Variants in LMNB1 observed in about 807,000 individuals in gnomAD.
LMNB1 encodes lamin-B1.
In LMNB1, 23 loss-of-function variants were observed where a neutral mutation model predicts 67.1. That is an observed-to-expected ratio of 0.34 (90% CI 0.25 to 0.49). LMNB1 has a LOEUF of 0.49. Among genes scored for constraint, LMNB1 ranks in the 20% least tolerant of loss-of-function variants. LMNB1 has a pLI of 0.99. For synonymous variants in LMNB1, 281 were observed against 282.9 expected (o/e 0.99, Z 0.07); for missense variants, 634 against 746.5 (o/e 0.85, Z 1.76).
chr5:126,810,377 G>T, intron 4 of LMNB1, 27 bp downstream of exon 4: 1 of 1,546,328 alleles, frequency 6.5e-7, no homozygotes, highest in South Asian at 1.2e-5. Flanking sequence ...AGATTCTTTT[G>T]AACACTTAAA....
chr5:126,800,843 G>GAAAAATACAT (rs1751255046), intron 1 of LMNB1, among the ~76,000 whole-genome samples: 1 of 142,544 alleles, frequency 7.0e-6, no homozygotes, highest in African/African-American at 2.6e-5. Flanking sequence ...GTAGAGACTG[G>GAAAAATACAT]GTTTCTCCAT....
chr5:126,787,722 T>G lies in LMNB1; in HGVS notation c.359+9855T>G, dbSNP rs920312305. Among the ~76,000 whole-genome samples the G allele has an allele frequency of 2.0e-5, 3 of 151,216 alleles. No individual in the cohort carries two copies. The South Asian group carries it at 6.2e-4, about 31-fold the overall frequency. On this transcript the variant is annotated intron_variant, in intron 1 of 10. Coordinates refer to ENST00000261366, the MANE Select transcript of LMNB1 (RefSeq NM_005573.4). ...CCTGCCACCACACTCGGCTAATTTTTGAATTTTTAGTAGAGACAGGGTTTC... is the reference window on the plus strand; with the variant it reads ...CCTGCCACCACACTCGGCTAATTTTGGAATTTTTAGTAGAGACAGGGTTTC...
At chr5:126,799,020 CT>C (rs201572633) in intron 1 of LMNB1, among the ~76,000 whole-genome samples, 133 of 134,948 alleles carry the variant, frequency 9.9e-4, no homozygotes, top group Middle Eastern at 3.9e-3. Context: ...GATGCATTGA[CT>C]TTTTTTTTTT....
chr5:126,797,547 A>T (rs1751134799), intron 1 of LMNB1, among the ~76,000 whole-genome samples: 1 of 152,208 alleles, frequency 6.6e-6, no homozygotes, highest in Admixed American at 6.5e-5. Context: ...GCATTGTCAG[A>T]TGTCATTCTG....
chr5:126,789,849 A>G (rs900620936), intron 1 of LMNB1, among the ~76,000 whole-genome samples: 2 of 151,890 alleles, frequency 1.3e-5, no homozygotes, highest in Non-Finnish European at 2.9e-5. Context: ...AATTTTTTGT[A>G]TTTTTAGTAG....
At position 126,836,318 on chromosome 5, in the gene LMNB1, A is replaced by T. The variant is rs370551700; in HGVS notation, c.*54A>T. ...GAAGTATGGTAATCTTTACCTGTATACAGTGCAGAGCCTTCTCAGAAGCAC... is the reference window on the plus strand; with the variant it reads ...GAAGTATGGTAATCTTTACCTGTATTCAGTGCAGAGCCTTCTCAGAAGCAC... On this transcript the variant is annotated 3_prime_UTR_variant, in exon 11 of 11. Coordinates refer to ENST00000261366, the MANE Select transcript of LMNB1 (RefSeq NM_005573.4). 1,764 of 1,190,782 alleles carry T rather than the reference A, an allele frequency of 1.5e-3. 3 individuals are homozygous for T. The highest frequency in any genetic ancestry group is 2.1e-3 in the Non-Finnish European group (1,667 of 800,230). The allele number at this position is 1,190,782 out of a possible 1,614,324, so 73.8% of individuals were successfully genotyped here. A position where few individuals can be genotyped will look rare whatever the true frequency, so the allele number is the denominator to read the frequency against.
chr5:126,800,810 G>A (rs1273725697), intron 1 of LMNB1, among the ~76,000 whole-genome samples: 4 of 147,460 alleles, frequency 2.7e-5, no homozygotes, highest in East Asian at 2.0e-4. Flanking sequence ...GTGCCATCAC[G>A]CCTGGCTAAT....
At chr5:126,787,524 G>GTATATATATATATATATATATATATATA (rs1179342923) in intron 1 of LMNB1, among the ~76,000 whole-genome samples, 1 of 87,682 alleles carries the variant, frequency 1.1e-5, no homozygotes, top group Admixed American at 1.6e-4. Flanking sequence ...GTGTGTGGGG[G>GTATATATATATATATATATATATATATA]TATATATATA....
At chr5:126,815,088 T>C in intron 5 of LMNB1, 1 of 152,214 alleles carries the variant, frequency 6.6e-6, no homozygotes, top group East Asian at 1.9e-4. Flanking sequence ...TTTTTATTAG[T>C]TGATAAATTT....
intron 9 of LMNB1, among the ~76,000 whole-genome samples, chr5:126,826,489 A>G (rs1752001639): frequency 6.6e-6 from 1 of 152,234 alleles, no homozygotes; most frequent in Non-Finnish European, 1.5e-5. Context: ...AGTATCTGGC[A>G]TAGTACCTTT....
intron 1 of LMNB1, among the ~76,000 whole-genome samples, chr5:126,800,816 C>G (rs1318151680): frequency 6.8e-6 from 1 of 146,972 alleles, no homozygotes; most frequent in Non-Finnish European, 1.5e-5. Flanking sequence ...TCACGCCTGG[C>G]TAATTTTGTA....
intron 5 of LMNB1, among the ~76,000 whole-genome samples, chr5:126,813,826 G>A (rs1751637137): frequency 6.6e-6 from 1 of 152,190 alleles, no homozygotes; most frequent in Non-Finnish European, 1.5e-5. Flanking sequence ...CACCTTGAGG[G>A]TTAGGATTTA....
chr5:126,815,183 G>GTCATATCATCATA, intron 5 of LMNB1: 2 of 152,226 alleles, frequency 1.3e-5, no homozygotes, highest in Middle Eastern at 3.4e-3. Context: ...TTGTTGCTGA[G>GTCATATCATCATA]TCATATCAGT....
chr5:126,832,597 G>A (rs1752160889), intron 9 of LMNB1, 97 bp from the exon 10 acceptor site: 1 of 830,714 alleles, frequency 1.2e-6, no homozygotes, highest in Non-Finnish European at 1.9e-6. Flanking sequence ...ACTGCGCCTG[G>A]CAAGAAATGC....
intron 3 of LMNB1, among the ~76,000 whole-genome samples, chr5:126,808,323 A>G (rs1751502591): frequency 6.6e-6 from 1 of 150,840 alleles, no homozygotes; most frequent in South Asian, 2.1e-4. Context: ...AGCTGGGATT[A>G]CAGGTTCACA....
At chr5:126,811,679 C>T in intron 4 of LMNB1, 94 bp from the exon 5 acceptor site, 2 of 1,164,828 alleles carry the variant, frequency 1.7e-6, no homozygotes, top group Non-Finnish European at 2.4e-6. Context: ...CAGTTACCAG[C>T]AGGACTTAGG....
intron 3 of LMNB1, among the ~76,000 whole-genome samples, chr5:126,807,725 G>C (rs1751480720): frequency 6.6e-6 from 1 of 151,942 alleles, no homozygotes. Flanking sequence ...TTTTTTCTTT[G>C]TAAGGTCACT....
chr5:126,780,644 A>G (rs930793786), intron 1 of LMNB1, among the ~76,000 whole-genome samples: 1 of 152,144 alleles, frequency 6.6e-6, no homozygotes, highest in Non-Finnish European at 1.5e-5. Context: ...AGTTGACAGT[A>G]CCTATTCTCT....
intron 1 of LMNB1, among the ~76,000 whole-genome samples, chr5:126,788,522 A>T (rs537603536): frequency 6.6e-6 from 1 of 152,210 alleles, no homozygotes; most frequent in South Asian, 2.1e-4. Flanking sequence ...CTTTAATCTC[A>T]ACTACTGTGG....
Sources: gnomAD v4.1 joint callset for allele counts (sites outside exome capture counted in the v4.1 genomes callset) on GRCh38, gnomAD v4.1.1 for gene constraint, MANE v1.5 for transcripts, NCBI Gene and HGNC (gene_info 2026-07-23, HGNC 2026-07-21) for gene names.